The following CACNB2 variants were observed in gnomAD, a reference collection of about 807,000 sequenced individuals.
The protein encoded by CACNB2 is calcium voltage-gated channel auxiliary subunit beta 2, also known as voltage-dependent L-type calcium channel subunit beta-2.
Under a neutral mutation model 73.3 loss-of-function variants are expected in CACNB2, and 42 were observed. The ratio of observed to expected loss-of-function variants is 0.57; its 90% CI spans 0.45 to 0.74. The LOEUF (loss-of-function observed/expected upper bound fraction) is 0.74, where lower values mean the gene tolerates loss of function less well. CACNB2 is among the 30% of genes least tolerant of loss of function. The pLI, the probability that CACNB2 is intolerant of heterozygous loss-of-function variation, is 0.00. For missense variants in CACNB2, 940 were observed against 853.0 expected, an observed-to-expected ratio of 1.10 and a Z score of -1.27; for synonymous variants, 348 against 310.3, an observed-to-expected ratio of 1.12 and a Z score of -1.28.
intron 10 of CACNB2, among the ~76,000 whole-genome samples, chr10:18,530,034 T>C (rs1215625853): frequency 2.0e-5 from 3 of 152,184 alleles, no homozygotes; most frequent in Non-Finnish European, 4.4e-5. Context: ...AACTCCCCTT[T>C]ATGAAACCAT....
chr10:18,279,240 C>G (rs557453771), intron 2 of CACNB2, among the ~76,000 whole-genome samples: 14 of 152,112 alleles, frequency 9.2e-5, no homozygotes, highest in Non-Finnish European at 1.8e-4. Flanking sequence ...ATTCAGAGAG[C>G]CCCTCCCTCC....
chr10:18,437,334 A>C lies in CACNB2; in HGVS notation c.333+35291A>C, dbSNP rs953516919. On this transcript the variant is annotated intron_variant, in intron 3 of 13. Coordinates refer to ENST00000324631, the MANE Select transcript of CACNB2 (RefSeq NM_201596.3). ...AAGTTAGTGCAGTTGGCCATTGAACAATGAGAGGTTATGGGCATGGACCCC... is the reference window on the plus strand; with the variant it reads ...AAGTTAGTGCAGTTGGCCATTGAACCATGAGAGGTTATGGGCATGGACCCC... 7.3e-5 allele frequency among the ~76,000 whole-genome samples: 11 copies of C among 150,830 alleles called. No individual in the cohort carries two copies. In the South Asian group the frequency reaches 2.1e-3, roughly 29 times the overall value.
chr10:18,389,091 C>G (rs2043354230), intron 2 of CACNB2, among the ~76,000 whole-genome samples: 1 of 152,252 alleles, frequency 6.6e-6, no homozygotes, highest in Middle Eastern at 3.4e-3. Context: ...TTTAACTGAA[C>G]TCCCAACATT....
intron 2 of CACNB2, among the ~76,000 whole-genome samples, chr10:18,166,332 T>C (rs187965009): frequency 2.6e-5 from 4 of 152,286 alleles, no homozygotes; most frequent in Admixed American, 2.6e-4. Context: ...CTTGGCACAC[T>C]GTGACCTCTG....
chr10:18,397,620 CAGG>C (rs1427971969), intron 2 of CACNB2, among the ~76,000 whole-genome samples: 1 of 149,248 alleles, frequency 6.7e-6, no homozygotes, highest in Non-Finnish European at 1.5e-5. Flanking sequence ...GAGGCTGAGG[CAGG>C]AGAATTGCTT....
In CACNB2 at chr10:18,280,179, T is replaced by C. The variant is rs1438826484; in HGVS notation, c.214-121745T>C. Among the ~76,000 whole-genome samples, 7 of 152,088 alleles carry C rather than the reference T, an allele frequency of 4.6e-5. 1 individual carries two copies. Among genetic ancestry groups the C allele is most frequent in the Admixed American group, 4.6e-4 (7 of 15,272 alleles). On this transcript the variant is annotated intron_variant, in intron 2 of 13. Coordinates refer to ENST00000324631, the MANE Select transcript of CACNB2 (RefSeq NM_201596.3). ...TCTACTTTGAATTATTACTACTATG[T>C]GTTGTTTCACCATAGCTGACACATG...
At chr10:18,301,644 C>CTT (rs377033277) in intron 2 of CACNB2, among the ~76,000 whole-genome samples, 32 of 143,730 alleles carry the variant, frequency 2.2e-4, no homozygotes, top group African/African-American at 7.2e-4. Flanking sequence ...GCCTTTCTCT[C>CTT]TTTTTTTTTT....
chr10:18,527,251 C>T (rs1271233037), intron 9 of CACNB2, among the ~76,000 whole-genome samples: 2 of 152,120 alleles, frequency 1.3e-5, no homozygotes, highest in Non-Finnish European at 2.9e-5. Flanking sequence ...TGGCACACAC[C>T]TGTAGTCCCA....
intron 2 of CACNB2, among the ~76,000 whole-genome samples, chr10:18,291,101 C>T (rs1475458179): frequency 6.6e-6 from 1 of 152,162 alleles, no homozygotes; most frequent in Non-Finnish European, 1.5e-5. Context: ...GCAGGGAGAG[C>T]GATAACCTAC....
At chr10:18,529,656 A>C (rs2052800845) in intron 10 of CACNB2, among the ~76,000 whole-genome samples, 1 of 152,218 alleles carries the variant, frequency 6.6e-6, no homozygotes, top group Non-Finnish European at 1.5e-5. Flanking sequence ...CATTTAAGCT[A>C]AAATATATTG....
rs2037200357 is a variant in CACNB2 at position 18,254,408 on chromosome 10, G to T, written c.213+103433G>T. Among the ~76,000 whole-genome samples, 5 of 151,992 alleles carry T rather than the reference G, an allele frequency of 3.3e-5. No homozygotes were observed. In the South Asian group the frequency reaches 1.0e-3, roughly 32 times the overall value. On this transcript the variant is annotated intron_variant, in intron 2 of 13. Coordinates refer to ENST00000324631, the MANE Select transcript of CACNB2 (RefSeq NM_201596.3). ...TCCATGATTATTAGTAATTTCAAAAGTATGACTTTTTCCCTAATTTCATTG... is the reference window on the plus strand; with the variant it reads ...TCCATGATTATTAGTAATTTCAAAATTATGACTTTTTCCCTAATTTCATTG...
At chr10:18,194,424 A>G (rs528108493) in intron 2 of CACNB2, among the ~76,000 whole-genome samples, 1 of 152,258 alleles carries the variant, frequency 6.6e-6, no homozygotes, top group Non-Finnish European at 1.5e-5. Flanking sequence ...TTTGTCAGGG[A>G]TTCTAGAATC....
At chr10:18,175,654 A>G (rs753685048) in intron 2 of CACNB2, among the ~76,000 whole-genome samples, 6 of 152,116 alleles carry the variant, frequency 3.9e-5, no homozygotes, top group Admixed American at 1.3e-4. Context: ...CTGGAGAGCA[A>G]TGGTGCAATC....
chr10:18,419,240 A>G (rs986558701), intron 3 of CACNB2, among the ~76,000 whole-genome samples: 2 of 152,326 alleles, frequency 1.3e-5, no homozygotes, highest in Non-Finnish European at 1.5e-5. Flanking sequence ...TGAGGATTCA[A>G]TAGGTCACAT....
At chr10:18,535,569 G>A (rs1031188600) in intron 11 of CACNB2, among the ~76,000 whole-genome samples, 9 of 152,066 alleles carry the variant, frequency 5.9e-5, no homozygotes, top group African/African-American at 1.2e-4. Context: ...TCAGGAGATC[G>A]AGACCATCCT....
At chr10:18,306,570 CATA>C (rs1258959534) in intron 2 of CACNB2, among the ~76,000 whole-genome samples, 1 of 152,136 alleles carries the variant, frequency 6.6e-6, no homozygotes, top group Non-Finnish European at 1.5e-5. Flanking sequence ...GTAAAATAAT[CATA>C]AGCATTACGG....
chr10:18,252,932 C>T (rs1306712525), intron 2 of CACNB2, among the ~76,000 whole-genome samples: 1 of 152,142 alleles, frequency 6.6e-6, no homozygotes, highest in African/African-American at 2.4e-5. Flanking sequence ...GTTAATTAAC[C>T]ATTATGTGAT....
chr10:18,521,948 C>T (rs1263571658), intron 9 of CACNB2, among the ~76,000 whole-genome samples: 2 of 152,190 alleles, frequency 1.3e-5, no homozygotes, highest in Non-Finnish European at 1.5e-5. Flanking sequence ...AGGGGCCACA[C>T]AGCAGACGGT....
chr10:18,182,761 G>T (rs904465379), intron 2 of CACNB2, among the ~76,000 whole-genome samples: 1 of 150,582 alleles, frequency 6.6e-6, no homozygotes, highest in Non-Finnish European at 1.5e-5. Context: ...GCCAGAGGTT[G>T]CAGTGAGCCA....
Sources: gnomAD v4.1 joint callset for allele counts (sites outside exome capture counted in the v4.1 genomes callset) on GRCh38, gnomAD v4.1.1 for gene constraint, MANE v1.5 for transcripts, NCBI Gene and HGNC (gene_info 2026-07-23, HGNC 2026-07-21) for gene names.